Variants in TAB2 observed in about 807,000 individuals in gnomAD.
The protein encoded by TAB2 is TGF-beta-activated kinase 1 and MAP3K7-binding protein 2.
In TAB2, 3 loss-of-function variants were observed where a neutral mutation model predicts 65.0. That is an observed-to-expected ratio of 0.05 (90% CI 0.02 to 0.12). The LOEUF is 0.12. TAB2 is among the 10% of genes least tolerant of loss of function. The pLI, the probability that TAB2 is intolerant of heterozygous loss-of-function variation, is 1.00. For synonymous variants in TAB2, 298 were observed against 285.1 expected (o/e 1.05, Z -0.46); for missense variants, 623 against 840.3 (o/e 0.74, Z 3.20).
chr6:149,370,407 A>G (rs1781185618), intron 2 of TAB2, among the ~76,000 whole-genome samples: 1 of 152,216 alleles, frequency 6.6e-6, no homozygotes, highest in Non-Finnish European at 1.5e-5. Context: ...CTGTTCTGCC[A>G]GGAGAGCTAA....
chr6:149,378,788 T>C lies in TAB2; in HGVS notation c.873T>C (p.Thr291=). The C allele has an allele frequency of 6.2e-7, 1 of 1,614,150 alleles. No homozygotes were observed. The highest frequency in any genetic ancestry group is 8.5e-7 in the Non-Finnish European group (1 of 1,180,012). ...SHVYMPISSP[T]TSQPPTIHSS... is the part of the protein sequence containing the mutation. ...TCTACATGCCAATCAGTTCACCTAC[T>C]ACTTCACAACCACCAACCATTCATT... Residue 291 remains threonine (T), a synonymous_variant, in exon 3 of 7, where the codon ACT becomes ACC. Transcript: ENST00000637181.
At chr6:149,308,839 TA>T in intron 1 of TAB2, among the ~76,000 whole-genome samples, 1 of 152,308 alleles carries the variant, frequency 6.6e-6, no homozygotes, top group African/African-American at 2.4e-5. Flanking sequence ...ATTTTCTTTT[TA>T]AAAAATTCTC....
At chr6:149,312,434 C>T (rs909214802) in intron 1 of TAB2, among the ~76,000 whole-genome samples, 1 of 152,190 alleles carries the variant, frequency 6.6e-6, no homozygotes, top group Non-Finnish European at 1.5e-5. Context: ...ACAATCTCAG[C>T]TCACTGCAAC....
intron 1 of TAB2, among the ~76,000 whole-genome samples, chr6:149,308,669 C>T (rs1253260158): frequency 2.0e-5 from 3 of 152,052 alleles, no homozygotes; most frequent in Non-Finnish European, 4.4e-5. Context: ...GCTGGGATTA[C>T]AGGCATGTGC....
intron 1 of TAB2, among the ~76,000 whole-genome samples, chr6:149,272,162 A>G (rs1778376118): frequency 6.6e-6 from 1 of 152,248 alleles, no homozygotes; most frequent in Non-Finnish European, 1.5e-5. Context: ...ACAAGGCTCA[A>G]GAAAACCACT....
intron 1 of TAB2, among the ~76,000 whole-genome samples, chr6:149,354,439 C>T (rs1422871153): frequency 6.6e-6 from 1 of 152,120 alleles, no homozygotes; most frequent in Non-Finnish European, 1.5e-5. Flanking sequence ...CTTCATTTCC[C>T]TAAGTCTAAA....
chr6:149,355,572 C>T (rs1238615321), intron 1 of TAB2, among the ~76,000 whole-genome samples: 2 of 150,626 alleles, frequency 1.3e-5, no homozygotes, highest in Non-Finnish European at 2.9e-5. Context: ...GAGGCTCAGA[C>T]AGGAGAATCG....
At chr6:149,221,537 G>A (rs986599816) in intron 1 of TAB2, among the ~76,000 whole-genome samples, 5 of 152,178 alleles carry the variant, frequency 3.3e-5, no homozygotes, top group Non-Finnish European at 7.3e-5. Context: ...AGGGCTTGGG[G>A]CATCACAGAG....
chr6:149,277,377 T>C (rs1351981855), intron 1 of TAB2, among the ~76,000 whole-genome samples: 2 of 152,176 alleles, frequency 1.3e-5, no homozygotes, highest in Non-Finnish European at 2.9e-5. Flanking sequence ...AATAAGCTCT[T>C]TATAGATTGA....
chr6:149,244,982 A>C (rs558294321), intron 1 of TAB2: 4 of 152,266 alleles, frequency 2.6e-5, no homozygotes, highest in African/African-American at 9.6e-5. Context: ...TCAAGTTTAG[A>C]TATCAGTGCT....
At chr6:149,348,806 A>G (rs1239417853) in intron 1 of TAB2, among the ~76,000 whole-genome samples, 2 of 151,996 alleles carry the variant, frequency 1.3e-5, no homozygotes, top group Non-Finnish European at 2.9e-5. Context: ...TCTACTAAAA[A>G]TACAAAAAAA....
At chr6:149,273,997 A>G (rs1231708866) in intron 1 of TAB2, among the ~76,000 whole-genome samples, 1 of 152,268 alleles carries the variant, frequency 6.6e-6, no homozygotes, top group African/African-American at 2.4e-5. Flanking sequence ...GGTAATGGAA[A>G]GCAGTGATTA....
intron 1 of TAB2, among the ~76,000 whole-genome samples, chr6:149,347,875 G>A (rs1780354694): frequency 6.6e-6 from 1 of 152,070 alleles, no homozygotes; most frequent in African/African-American, 2.4e-5. Flanking sequence ...TTTAAATAGT[G>A]TATGTACTTA....
intron 2 of TAB2, among the ~76,000 whole-genome samples, chr6:149,371,065 CAAAAAAAAAAA>C (rs33926884): frequency 1.4e-5 from 1 of 71,968 alleles, no homozygotes; most frequent in Admixed American, 1.9e-4. Flanking sequence ...GACCCTATCT[CAAAAAAAAAAA>C]AAAAAAAAAA....
intron 1 of TAB2, among the ~76,000 whole-genome samples, chr6:149,329,256 G>A (rs1209322735): frequency 6.6e-6 from 1 of 152,172 alleles, no homozygotes; most frequent in Non-Finnish European, 1.5e-5. Flanking sequence ...AGGCATATAA[G>A]TATCTATTTG....
intron 3 of TAB2, among the ~76,000 whole-genome samples, chr6:149,385,217 T>G (rs1251248553): frequency 2.0e-5 from 3 of 152,248 alleles, no homozygotes; most frequent in African/African-American, 7.2e-5. Context: ...AAAAAATGTT[T>G]ATTGTGGCAC....
chr6:149,369,206 A>G (rs926856587), intron 1 of TAB2, among the ~76,000 whole-genome samples: 1 of 152,194 alleles, frequency 6.6e-6, no homozygotes, highest in Non-Finnish European at 1.5e-5. Flanking sequence ...GGTTTACCTT[A>G]GAAACAATAG....
intron 1 of TAB2, among the ~76,000 whole-genome samples, chr6:149,307,137 T>C (rs1779086515): frequency 6.6e-6 from 1 of 152,000 alleles, no homozygotes; most frequent in African/African-American, 2.4e-5. Context: ...TTGTGAGTCA[T>C]AGAACAATTC....
intron 1 of TAB2, among the ~76,000 whole-genome samples, chr6:149,351,958 TTCTTTTAGTTCTAC>T (rs1266133865): frequency 6.6e-6 from 1 of 152,170 alleles, no homozygotes; most frequent in Non-Finnish European, 1.5e-5. Flanking sequence ...AGAATACTGG[TTCTTTTAGTTCTAC>T]TCTTTTCTTC....
Sources: allele counts gnomAD v4.1 joint callset (sites outside exome capture counted in the v4.1 genomes callset), GRCh38; gene constraint gnomAD v4.1.1; transcripts MANE v1.5; gene names NCBI Gene and HGNC (gene_info 2026-07-23, HGNC 2026-07-21).